The following MGAT4C variants were observed in gnomAD, a reference collection of about 807,000 sequenced individuals.
MGAT4C encodes MGAT4 family member C, also known as alpha-1,3-mannosyl-glycoprotein 4-beta-N-acetylglucosaminyltransferase C.
MGAT4C carries 19 observed loss-of-function variants against 40.1 expected under a neutral mutation model. The observed-to-expected ratio is 0.47, with a 90% CI of 0.33 to 0.70. The LOEUF (loss-of-function observed/expected upper bound fraction) is 0.70, where lower values mean the gene tolerates loss of function less well. Among genes scored for constraint, MGAT4C ranks in the 30% least tolerant of loss-of-function variants. The pLI, the probability that MGAT4C is intolerant of heterozygous loss-of-function variation, is 0.02. For missense variants in MGAT4C, 491 were observed against 563.2 expected, an observed-to-expected ratio of 0.87 and a Z score of 1.30; for synonymous variants, 181 against 187.1, an observed-to-expected ratio of 0.97 and a Z score of 0.27.
chr12:86,016,276 A>C (rs1405591256), intron 2 of MGAT4C: 1 of 152,344 alleles, frequency 6.6e-6, no homozygotes, highest in East Asian at 1.9e-4. Flanking sequence ...ACAAGGTTGA[A>C]ATGACCTATC....
intron 2 of MGAT4C, among the ~76,000 whole-genome samples, chr12:86,008,465 T>C (rs986418060): frequency 6.6e-6 from 1 of 152,084 alleles, no homozygotes; most frequent in Non-Finnish European, 1.5e-5. Flanking sequence ...AGAAATTCAA[T>C]TTATTTTTCT....
intron 1 of MGAT4C, among the ~76,000 whole-genome samples, chr12:86,225,588 C>A (rs1644994428): frequency 6.6e-6 from 1 of 151,954 alleles, no homozygotes; most frequent in Admixed American, 6.6e-5. Context: ...ATGAAAAAGA[C>A]AATGCACCAT....
At chr12:86,326,352 T>C (rs1281520970) in intron 4 of MGAT4C, among the ~76,000 whole-genome samples, 3 of 151,568 alleles carry the variant, frequency 2.0e-5, no homozygotes, top group Admixed American at 6.6e-5. Context: ...TGTAAGGTGA[T>C]TTATATGTTA....
chr12:86,497,994 T>C (rs919288815), intron 2 of MGAT4C, among the ~76,000 whole-genome samples: 4 of 145,646 alleles, frequency 2.7e-5, no homozygotes, highest in Non-Finnish European at 6.0e-5. Context: ...AATCTTTATA[T>C]ATTATATTAT....
intron 1 of MGAT4C, among the ~76,000 whole-genome samples, chr12:86,784,778 A>G (rs1951902975): frequency 6.6e-6 from 1 of 152,018 alleles, no homozygotes; most frequent in South Asian, 2.1e-4. Context: ...AAAAAGAAAA[A>G]GACATTGAAG....
chr12:86,562,441 T>C (rs1454927927), intron 2 of MGAT4C, among the ~76,000 whole-genome samples: 2 of 151,908 alleles, frequency 1.3e-5, no homozygotes, highest in African/African-American at 4.8e-5. Flanking sequence ...CTGAGGAGGC[T>C]TTTTTTGCCA....
chr12:86,448,660 G>T (rs886860235), intron 2 of MGAT4C, among the ~76,000 whole-genome samples: 1 of 152,068 alleles, frequency 6.6e-6, no homozygotes, highest in African/African-American at 2.4e-5. Context: ...TTATTAAAAT[G>T]AATCTCAGCA....
Position 85,972,910 on chromosome 12 carries a change from T to A in MGAT4C, c.*6379A>T, listed in dbSNP as rs970163145. On this transcript the variant is annotated 3_prime_UTR_variant, in exon 5 of 5. Coordinates refer to ENST00000611864, the MANE Select transcript of MGAT4C (RefSeq NM_001351288.2). ...ATTAAAGATGGAAAAAATAGGACTATGTCAAATAGTTAAACAAATGTGGGG... is the reference window on the plus strand; with the variant it reads ...ATTAAAGATGGAAAAAATAGGACTAAGTCAAATAGTTAAACAAATGTGGGG... 6.6e-6 allele frequency: 1 copy of A among 150,978 alleles called. No individual in the cohort carries two copies. Among genetic ancestry groups the A allele is most frequent in the Non-Finnish European group, 1.5e-5 (1 of 67,162 alleles). The allele number at this position is 150,978 out of a possible 1,614,324, so 9.4% of individuals were successfully genotyped here.
chr12:86,070,380 ATTGT>A (rs1359252748), intron 1 of MGAT4C, among the ~76,000 whole-genome samples: 1 of 151,572 alleles, frequency 6.6e-6, no homozygotes, highest in Non-Finnish European at 1.5e-5. Context: ...TTTTCCTCTG[ATTGT>A]TTGCTAGTCA....
chr12:86,457,865 CCTCT>C (rs1324483040), intron 2 of MGAT4C, among the ~76,000 whole-genome samples: 3 of 151,772 alleles, frequency 2.0e-5, no homozygotes, highest in Non-Finnish European at 2.9e-5. Flanking sequence ...TTTTCTTTCA[CCTCT>C]CTCTAACTTC....
At position 86,439,272 on chromosome 12, in the gene MGAT4C, G is replaced by A. The variant is rs2897240; in HGVS notation, c.-228-4007C>T. On this transcript the variant is annotated intron_variant, in intron 2 of 7. Coordinates refer to the MGAT4C transcript ENST00000548651. ...TTTTAAAAACTTGAAACAATATCAA[G>A]TATCTTCTCAAACCATAGCAGAATG... is the stretch of plus-strand genomic sequence containing the variant. Among the ~76,000 whole-genome samples the A allele has an allele frequency of 0.02, 2,990 of 151,990 alleles. 210 individuals are homozygous for A. In the East Asian group the frequency reaches 0.23, roughly 12 times the overall value.
chr12:86,699,709 G>A (rs1950320936), intron 2 of MGAT4C, among the ~76,000 whole-genome samples: 1 of 152,012 alleles, frequency 6.6e-6, no homozygotes, highest in Non-Finnish European at 1.5e-5. Context: ...ATTATATCAT[G>A]TTATATACTA....
At chr12:86,174,789 TAAA>T (rs1318384918) in intron 1 of MGAT4C, among the ~76,000 whole-genome samples, 2 of 152,104 alleles carry the variant, frequency 1.3e-5, no homozygotes, top group Non-Finnish European at 2.9e-5. Flanking sequence ...AAACAAAAGA[TAAA>T]GAAGAAAATG....
intron 2 of MGAT4C, among the ~76,000 whole-genome samples, chr12:86,026,023 C>T (rs1364257110): frequency 1.3e-5 from 2 of 151,752 alleles, no homozygotes; most frequent in African/African-American, 4.8e-5. Context: ...ACTATAGATA[C>T]ATCCTGCAGT....
chr12:86,672,315 G>A (rs1964276657), intron 2 of MGAT4C, among the ~76,000 whole-genome samples: 1 of 151,924 alleles, frequency 6.6e-6, no homozygotes, highest in Admixed American at 6.6e-5. Context: ...GGCTATACGT[G>A]TCTGCAACAA....
chr12:86,798,102 T>C (rs1280450546), intron 1 of MGAT4C, among the ~76,000 whole-genome samples: 1 of 151,916 alleles, frequency 6.6e-6, no homozygotes, highest in Non-Finnish European at 1.5e-5. Context: ...ATACAACCCT[T>C]TGTTGACTTC....
intron 2 of MGAT4C, among the ~76,000 whole-genome samples, chr12:86,582,144 TTAA>T (rs1960806303): frequency 6.6e-6 from 1 of 151,474 alleles, no homozygotes; most frequent in African/African-American, 2.4e-5. Flanking sequence ...AGCATTATTA[TTAA>T]TGATAGTACA....
chr12:86,363,725 T>G (rs1955531858), intron 3 of MGAT4C, among the ~76,000 whole-genome samples: 1 of 151,378 alleles, frequency 6.6e-6, no homozygotes, highest in Non-Finnish European at 1.5e-5. Context: ...TTTTTCCAGA[T>G]CAACCAAAGA....
At chr12:86,441,720 C>T (rs907164206) in intron 2 of MGAT4C, among the ~76,000 whole-genome samples, 1 of 151,952 alleles carries the variant, frequency 6.6e-6, no homozygotes, top group Admixed American at 6.6e-5. Context: ...TGTATATGTG[C>T]CACATTTTCT....
Sources: gnomAD v4.1 joint callset for allele counts (sites outside exome capture counted in the v4.1 genomes callset) on GRCh38, gnomAD v4.1.1 for gene constraint, MANE v1.5 for transcripts, NCBI Gene and HGNC (gene_info 2026-07-23, HGNC 2026-07-21) for gene names.